The following SGCZ variants were observed in gnomAD, a reference collection of about 807,000 sequenced individuals.
SGCZ encodes the protein zeta-sarcoglycan.
Under a neutral mutation model 41.3 loss-of-function variants are expected in SGCZ, and 40 were observed. That is an observed-to-expected ratio of 0.97 (90% confidence interval 0.75 to 1.26). SGCZ has a LOEUF of 1.26. Among genes scored for constraint, SGCZ ranks in the 50% most tolerant of loss-of-function variants. The pLI is 0.00. For missense variants in SGCZ, 552 were observed against 369.8 expected, an observed-to-expected ratio of 1.49 and a Z score of -4.04; for synonymous variants, 206 against 137.5, an observed-to-expected ratio of 1.50 and a Z score of -3.49.
chr8:14,285,682 A>G (rs575094638), intron 3 of SGCZ, among the ~76,000 whole-genome samples: 2 of 152,260 alleles, frequency 1.3e-5, no homozygotes, highest in South Asian at 4.1e-4. Flanking sequence ...TATCCCAAGA[A>G]TAGTGGATAG....
chr8:14,593,491 GAAAC>G lies in SGCZ; in HGVS notation c.40-38569_40-38566del, dbSNP rs1297248245. ...TAGTAATTTGTTTTAGCGGCAATGG[GAAAC>G]AAACACACCTGCTTTCCAAGAAAAT... On this transcript the variant is annotated intron_variant, in intron 1 of 7. Coordinates refer to ENST00000382080, the MANE Select transcript of SGCZ (RefSeq NM_139167.4). Among the ~76,000 whole-genome samples the G allele has an allele frequency of 3.6e-4, 54 of 152,050 alleles. 1 individual carries two copies. Among genetic ancestry groups the G allele is most frequent in the Admixed American group, 3.5e-3 (54 of 15,260 alleles).
intron 1 of SGCZ, among the ~76,000 whole-genome samples, chr8:15,223,568 G>C (rs765416531): frequency 2.0e-4 from 30 of 152,130 alleles, no homozygotes; most frequent in Non-Finnish European, 2.9e-4. Context: ...AAAAGAGATG[G>C]TGCTATTTCC....
chr8:15,002,688 G>C (rs1802469671), intron 1 of SGCZ, among the ~76,000 whole-genome samples: 1 of 152,092 alleles, frequency 6.6e-6, no homozygotes, highest in Non-Finnish European at 1.5e-5. Flanking sequence ...TTTCCATTTT[G>C]TCCATCTTAA....
intron 1 of SGCZ, among the ~76,000 whole-genome samples, chr8:15,209,200 GT>G (rs1346328406): frequency 6.6e-6 from 1 of 152,030 alleles, no homozygotes; most frequent in African/African-American, 2.4e-5. Flanking sequence ...ATGAATTTGT[GT>G]TGCATTGTCT....
rs528137199 is a variant in SGCZ, at chr8:14,557,421, T to A, written c.40-2495A>T. On this transcript the variant is annotated intron_variant, in intron 1 of 7. Coordinates refer to ENST00000382080, the MANE Select transcript of SGCZ (RefSeq NM_139167.4). ...AGTGTTCCTTTTGTAATGCAAAAGCTCTTCAATTTAAGTCCTAGCTATTTA... is the reference window on the plus strand; with the variant it reads ...AGTGTTCCTTTTGTAATGCAAAAGCACTTCAATTTAAGTCCTAGCTATTTA... 3.9e-5 allele frequency among the ~76,000 whole-genome samples: 6 copies of A among 152,212 alleles called. No homozygotes were observed. The South Asian group carries it at 1.2e-3, about 32-fold the overall frequency.
intron 1 of SGCZ, among the ~76,000 whole-genome samples, chr8:14,802,039 G>A (rs530040759): frequency 6.6e-4 from 100 of 152,282 alleles, no homozygotes; most frequent in African/African-American, 2.3e-3. Flanking sequence ...GAGTAATGTT[G>A]GAAGATGAAC....
chr8:14,207,162 C>A (rs995541189), intron 4 of SGCZ, among the ~76,000 whole-genome samples: 1 of 13,032 alleles, frequency 7.7e-5, no homozygotes, highest in African/African-American at 1.5e-3. Context: ...TTCTTTTTTG[C>A]TTAAACTAGC....
At chr8:15,178,797 G>A (rs1241433086) in intron 1 of SGCZ, among the ~76,000 whole-genome samples, 1 of 122,292 alleles carries the variant, frequency 8.2e-6, no homozygotes, top group African/African-American at 2.6e-5. Flanking sequence ...CGAAGTGCAG[G>A]GAAGGAAAAA....
intron 2 of SGCZ, among the ~76,000 whole-genome samples, chr8:14,376,828 C>A (rs930239240): frequency 7.2e-5 from 11 of 152,092 alleles, no homozygotes; most frequent in Non-Finnish European, 1.0e-4. Flanking sequence ...AATGATAATA[C>A]ATAAACAATT....
At chr8:14,898,731 A>C (rs1805294229) in intron 1 of SGCZ, among the ~76,000 whole-genome samples, 2 of 152,158 alleles carry the variant, frequency 1.3e-5, no homozygotes, top group South Asian at 4.1e-4. Context: ...AGAGCAAGCA[A>C]AGGTGCTAGT....
intron 1 of SGCZ, among the ~76,000 whole-genome samples, chr8:15,223,928 C>T (rs974332215): frequency 2.0e-5 from 3 of 152,010 alleles, no homozygotes; most frequent in Non-Finnish European, 4.4e-5. Flanking sequence ...AATCTCAGCT[C>T]ACTGTAACCT....
chr8:14,226,464 G>A (rs1028626867), intron 4 of SGCZ, among the ~76,000 whole-genome samples: 2 of 151,984 alleles, frequency 1.3e-5, no homozygotes, highest in Non-Finnish European at 2.9e-5. Flanking sequence ...TTTTAAGAAC[G>A]TCATATAAAT....
At chr8:14,122,328 A>AT (rs1158425240) in intron 5 of SGCZ, among the ~76,000 whole-genome samples, 1 of 152,144 alleles carries the variant, frequency 6.6e-6, no homozygotes, top group Non-Finnish European at 1.5e-5. Flanking sequence ...TGATTCAGAG[A>AT]TAGGAACATT....
chr8:14,731,687 T>A (rs923181343), intron 1 of SGCZ, among the ~76,000 whole-genome samples: 1 of 152,208 alleles, frequency 6.6e-6, no homozygotes, highest in African/African-American at 2.4e-5. Context: ...TTCCATTTCA[T>A]TGTACATATG....
At chr8:15,142,444 A>G (rs913006087) in intron 1 of SGCZ, among the ~76,000 whole-genome samples, 1 of 152,108 alleles carries the variant, frequency 6.6e-6, no homozygotes. Context: ...AGCCTACAGA[A>G]TGTTTCTTTC....
chr8:15,147,236 C>A (rs1799058821), intron 1 of SGCZ, among the ~76,000 whole-genome samples: 1 of 152,160 alleles, frequency 6.6e-6, no homozygotes, highest in African/African-American at 2.4e-5. Flanking sequence ...CACTCCCCAA[C>A]CTACCCCATC....
chr8:14,093,171 G>A lies in SGCZ; in HGVS notation c.745-2534C>T, dbSNP rs992068147. On this transcript the variant is annotated intron_variant, in intron 7 of 7. Coordinates refer to ENST00000382080, the MANE Select transcript of SGCZ (RefSeq NM_139167.4). ...TCCCTAAATTGACAGGAGTAGGAGA[G>A]AATATTCTGCTTTCTCTCTCTTTGC... Among the ~76,000 whole-genome samples, 3 of 152,162 alleles carry A rather than the reference G, an allele frequency of 2.0e-5. No homozygotes were observed. In the South Asian group the frequency reaches 6.2e-4, roughly 32 times the overall value.
intron 1 of SGCZ, among the ~76,000 whole-genome samples, chr8:14,685,404 A>G (rs1011740751): frequency 1.3e-5 from 2 of 152,114 alleles, no homozygotes; most frequent in Admixed American, 1.3e-4. Flanking sequence ...TATCTAAAAA[A>G]TGAAAATGGT....
chr8:14,596,590 T>G (rs908180297), intron 1 of SGCZ, among the ~76,000 whole-genome samples: 1 of 152,182 alleles, frequency 6.6e-6, no homozygotes, highest in African/African-American at 2.4e-5. Flanking sequence ...TTCCTTGGAC[T>G]ACAGTAATTG....
Sources: gnomAD v4.1 joint callset for allele counts (sites outside exome capture counted in the v4.1 genomes callset) on GRCh38, gnomAD v4.1.1 for gene constraint, MANE v1.5 for transcripts, NCBI Gene and HGNC (gene_info 2026-07-23, HGNC 2026-07-21) for gene names.